Variants in SLC1A6 observed in about 807,000 individuals in gnomAD.
SLC1A6 encodes excitatory amino acid transporter 4.
Under a neutral mutation model 42.1 loss-of-function variants are expected in SLC1A6, and 15 were observed. The ratio of observed to expected loss-of-function variants is 0.36; its 90% CI spans 0.24 to 0.55. The LOEUF is 0.55. Ranked by LOEUF, SLC1A6 falls within the 20% of genes least tolerant of loss-of-function variation. The pLI, the probability that SLC1A6 is intolerant of heterozygous loss-of-function variation, is 0.88. For synonymous variants in SLC1A6, 317 were observed against 319.7 expected (o/e 0.99, Z 0.09); for missense variants, 542 against 772.5 (o/e 0.70, Z 3.54).
At chr19:14,965,221 A>G (rs1355417594) in intron 4 of SLC1A6, among the ~76,000 whole-genome samples, 1 of 151,912 alleles carries the variant, frequency 6.6e-6, no homozygotes, top group African/African-American at 2.4e-5. Context: ...GGGTTTCACC[A>G]TGTTAGGCAG....
intron 1 of SLC1A6, among the ~76,000 whole-genome samples, chr19:14,993,574 TAGTG>T (rs2045831199): frequency 6.6e-6 from 1 of 152,152 alleles, no homozygotes; most frequent in Non-Finnish European, 1.5e-5. Context: ...AACTCTGTCT[TAGTG>T]AGAGATGTCA....
intron 1 of SLC1A6, among the ~76,000 whole-genome samples, chr19:14,991,765 A>G (rs957299143): frequency 2.0e-5 from 3 of 152,202 alleles, no homozygotes; most frequent in African/African-American, 7.2e-5. Context: ...ATGCAAAAAA[A>G]TCCACAATGA....
upstream of SLC1A6, among the ~76,000 whole-genome samples, chr19:14,983,687 C>A (rs111408161): frequency 6.9e-3 from 698 of 101,076 alleles, 8 homozygotes; most frequent in African/African-American, 0.025. Flanking sequence ...GATTTTAGCT[C>A]TAAAAAACAA....
chr19:14,955,084 T>G (rs1026575015), intron 7 of SLC1A6, among the ~76,000 whole-genome samples: 6 of 152,172 alleles, frequency 3.9e-5, no homozygotes, highest in African/African-American at 1.4e-4. Context: ...GCATCTCATT[T>G]GGGGTAAGTC....
At chr19:14,953,194 C>G in intron 8 of SLC1A6, 132 bp from the exon 9 acceptor site, 1 of 685,174 alleles carries the variant, frequency 1.5e-6, no homozygotes, top group Non-Finnish European at 2.4e-6. Context: ...AAGCCAGACA[C>G]AGAGAGAAAA....
intron 1 of SLC1A6, among the ~76,000 whole-genome samples, chr19:14,986,595 C>CT (rs34762676): frequency 0.18 from 26,745 of 145,882 alleles, 2,803 homozygotes; most frequent in East Asian, 0.33. Flanking sequence ...ATGAAACTGG[C>CT]TTTTTTTTTT....
intron 1 of SLC1A6, among the ~76,000 whole-genome samples, chr19:15,007,506 T>C (rs2045901366): frequency 6.6e-6 from 1 of 152,100 alleles, no homozygotes; most frequent in African/African-American, 2.4e-5. Flanking sequence ...TGCCTCTGAA[T>C]TGTGCACCTT....
At chr19:14,956,443 G>A in intron 7 of SLC1A6, 33 bp downstream of exon 7, 3 of 1,424,506 alleles carry the variant, frequency 2.1e-6, no homozygotes, top group Non-Finnish European at 1.9e-6. Flanking sequence ...AGTGCAACCA[G>A]GAATGGTGCT....
At chr19:14,976,313 T>C (rs1355469775) in intron 1 of SLC1A6, among the ~76,000 whole-genome samples, 1 of 152,260 alleles carries the variant, frequency 6.6e-6, no homozygotes, top group Non-Finnish European at 1.5e-5. Flanking sequence ...AAATGTGATA[T>C]AGATAAGTTT....
intron 1 of SLC1A6, chr19:14,976,615 C>T (rs1316022784): frequency 6.6e-6 from 1 of 152,050 alleles, no homozygotes; most frequent in African/African-American, 2.4e-5. Flanking sequence ...AACTCCTGAC[C>T]TCAGGTGATT....
intron 7 of SLC1A6, among the ~76,000 whole-genome samples, chr19:14,955,657 G>A (rs545782504): frequency 4.0e-4 from 61 of 151,808 alleles, no homozygotes; most frequent in Non-Finnish European, 7.2e-4. Flanking sequence ...ATTTTTGGCC[G>A]GGCGTGGCGG....
chr19:14,968,169 G>A, intron 4 of SLC1A6, 134 bp downstream of exon 4: 2 of 700,136 alleles, frequency 2.9e-6, no homozygotes, highest in Non-Finnish European at 4.8e-6. Context: ...CTCCTTAGAA[G>A]TGCCCGTCTC....
At chr19:14,998,307 A>T (rs2045856597) in intron 1 of SLC1A6, among the ~76,000 whole-genome samples, 1 of 152,144 alleles carries the variant, frequency 6.6e-6, no homozygotes, top group Non-Finnish European at 1.5e-5. Context: ...TTGGGAGGCC[A>T]AGGTGGGCAG....
chr19:15,010,592 G>A, exon 1 of SLC1A6: 2 of 648,124 alleles, frequency 3.1e-6, no homozygotes, highest in Non-Finnish European at 5.6e-6. Flanking sequence ...TGCTAGATGG[G>A]CTCTTTCTCA....
At chr19:14,973,015 A>C in intron 1 of SLC1A6, 98 bp from the exon 2 acceptor site, 1 of 945,334 alleles carries the variant, frequency 1.1e-6, no homozygotes, top group Admixed American at 2.9e-5. Flanking sequence ...GCGCTTCCTG[A>C]GGACTCTCAG....
intron 5 of SLC1A6, among the ~76,000 whole-genome samples, chr19:14,962,927 C>T (rs886217372): frequency 2.6e-5 from 4 of 152,008 alleles, no homozygotes; most frequent in African/African-American, 9.7e-5. Flanking sequence ...AATTGAACTA[C>T]CATAGGACCA....
upstream of SLC1A6, among the ~76,000 whole-genome samples, chr19:14,982,068 A>C (rs1395462134): frequency 1.3e-5 from 2 of 152,028 alleles, no homozygotes; most frequent in Non-Finnish European, 2.9e-5. Flanking sequence ...TAAAAAAAAA[A>C]ATAAAATTTA....
chr19:14,992,232 T>C (rs116067575), intron 1 of SLC1A6, among the ~76,000 whole-genome samples: 1 of 152,346 alleles, frequency 6.6e-6, no homozygotes, highest in African/African-American at 2.4e-5. Flanking sequence ...ATTAATTTCA[T>C]GAGTTGTTTT....
At position 14,972,252 on chromosome 19, in the gene SLC1A6, C is replaced by A. The variant is rs888190148; in HGVS notation, c.206-378G>T. Among the ~76,000 whole-genome samples the A allele has an allele frequency of 3.9e-5, 6 of 152,296 alleles. No homozygotes were observed. The South Asian group carries it at 8.3e-4, about 21-fold the overall frequency. On this transcript the variant is annotated intron_variant, in intron 2 of 9. Coordinates refer to ENST00000594383, the MANE Select transcript of SLC1A6 (RefSeq NM_005071.3). ...ATCTATAGGTGTGATTTGTGTGTAT[C>A]TTACTATTTTCAAACATGGGAGTGT...
Sources: allele counts gnomAD v4.1 joint callset (sites outside exome capture counted in the v4.1 genomes callset), GRCh38; gene constraint gnomAD v4.1.1; transcripts MANE v1.5; gene names NCBI Gene and HGNC (gene_info 2026-07-23, HGNC 2026-07-21).